Variants in LARGE1 observed in about 807,000 individuals in gnomAD.
LARGE1 encodes the protein xylosyl- and glucuronyltransferase LARGE1.
Under a neutral mutation model 87.6 loss-of-function variants are expected in LARGE1, and 43 were observed. That is an observed-to-expected ratio of 0.49 (90% CI 0.38 to 0.63). The LOEUF is 0.63. Among genes scored for constraint, LARGE1 ranks in the 30% least tolerant of loss-of-function variants. The pLI, the probability that LARGE1 is intolerant of heterozygous loss-of-function variation, is 0.00. For synonymous variants in LARGE1, 434 were observed against 394.6 expected, an observed-to-expected ratio of 1.10 and a Z score of -1.18; for missense variants, 802 against 1,000.2, an observed-to-expected ratio of 0.80 and a Z score of 2.67.
In LARGE1 at chr22:33,184,088, C is replaced by CTATATATATATATATATATATATA. The variant is rs144013990; in HGVS notation, c.1731-17257_1731-17256insTATATATATATATATATATATATA. 4.0e-3 allele frequency among the ~76,000 whole-genome samples: 425 copies of CTATATATATATATATATATATATA among 105,206 alleles called. 28 individuals carry two copies. Among genetic ancestry groups the CTATATATATATATATATATATATA allele is most frequent in the African/African-American group, 7.1e-3 (203 of 28,762 alleles). 69.0% of individuals were successfully genotyped at this position (105,206 alleles called of 152,430 possible). ...TAATTTGACTGTGGTAATCAGTACA[C>CTATATATATATATATATATATATA]TATATATATATATATCATATCTTTA... On this transcript the variant is annotated intron_variant, in intron 11 of 11. Coordinates refer to the LARGE1 transcript ENST00000608642.
intron 5 of LARGE1, among the ~76,000 whole-genome samples, chr22:33,592,458 T>C (rs1297723345): frequency 6.6e-6 from 1 of 152,148 alleles, no homozygotes; most frequent in East Asian, 1.9e-4. Context: ...TACCCTTTTT[T>C]CCAGGATAAT....
chr22:33,613,127 C>T (rs1171555911), intron 4 of LARGE1, among the ~76,000 whole-genome samples: 16 of 152,296 alleles, frequency 1.1e-4, no homozygotes, highest in Non-Finnish European at 1.9e-4. Context: ...CAACCAAGAC[C>T]TTGGCAGTTT....
chr22:33,774,036 T>C (rs889511583), intron 1 of LARGE1, among the ~76,000 whole-genome samples: 3 of 142,686 alleles, frequency 2.1e-5, no homozygotes, highest in East Asian at 2.1e-4. Flanking sequence ...GGAAGAACTA[T>C]TGAAAAAGGA....
intron 1 of LARGE1, among the ~76,000 whole-genome samples, chr22:33,761,781 C>T (rs1273515230): frequency 6.6e-6 from 1 of 152,152 alleles, no homozygotes; most frequent in East Asian, 1.9e-4. Context: ...CTCTCACACA[C>T]ACACACAAAC....
chr22:33,104,304 A>G, the LARGE1 span, among the ~76,000 whole-genome samples: 1 of 152,238 alleles, frequency 6.6e-6, no homozygotes, highest in Non-Finnish European at 1.5e-5. Context: ...GAGCAAGAGT[A>G]AAGACAGATA....
intron 1 of LARGE1, among the ~76,000 whole-genome samples, chr22:33,841,753 G>A (rs1008498447): frequency 6.6e-6 from 1 of 152,138 alleles, no homozygotes; most frequent in Non-Finnish European, 1.5e-5. Context: ...GTGTGAGTGT[G>A]GGTCTCCCTG....
chr22:33,599,949 A>G (rs1276716184), intron 5 of LARGE1, among the ~76,000 whole-genome samples: 1 of 152,048 alleles, frequency 6.6e-6, no homozygotes, highest in Non-Finnish European at 1.5e-5. Context: ...AAAGACACTC[A>G]CTCACCTGTC....
At chr22:33,656,086 C>T (rs748313339) in intron 2 of LARGE1, among the ~76,000 whole-genome samples, 1 of 144,682 alleles carries the variant, frequency 6.9e-6, no homozygotes, top group Admixed American at 7.0e-5. Context: ...TGTGTGTGTA[C>T]ACACACAAAT....
chr22:33,825,035 C>T (rs1426436328), intron 1 of LARGE1, among the ~76,000 whole-genome samples: 1 of 152,144 alleles, frequency 6.6e-6, no homozygotes. Flanking sequence ...ATTTGGTCAT[C>T]TCCAGGGACC....
chr22:33,332,452 T>C (rs1339989556), intron 10 of LARGE1, among the ~76,000 whole-genome samples: 1 of 152,184 alleles, frequency 6.6e-6, no homozygotes, highest in Non-Finnish European at 1.5e-5. Context: ...GTCTCAGGTA[T>C]GTCTTTATCA....
intron 6 of LARGE1, among the ~76,000 whole-genome samples, chr22:33,561,848 A>G (rs1300913409): frequency 6.6e-6 from 1 of 152,180 alleles, no homozygotes; most frequent in Non-Finnish European, 1.5e-5. Flanking sequence ...TTCTTCTGGT[A>G]GAGGCTGAGG....
rs1301772172 is a variant in LARGE1 at position 33,274,520 on chromosome 22, A to G, written c.2178T>C (p.Cys726=). The part of the protein sequence containing the change: ...KFRSNKQYRI[C]LKTLKEEFQQ... Reference sequence around the variant, plus strand: ...GAAACTCTTCCTTGAGGGTTTTGAGACAGATGCGGTATTGCTTGTTGGAAC... The same window carrying G: ...GAAACTCTTCCTTGAGGGTTTTGAGGCAGATGCGGTATTGCTTGTTGGAAC... The change falls in exon 15 of 15, where the codon TGT becomes TGC. Residue 726 remains cysteine, a synonymous_variant. Transcript: ENST00000397394. The G allele has an allele frequency of 1.9e-6, 3 of 1,613,900 alleles. No individual in the cohort carries two copies. In the African/African-American group the frequency reaches 4.0e-5, roughly 22 times the overall value.
At chr22:33,420,774 G>A (rs1030322736) in intron 7 of LARGE1, among the ~76,000 whole-genome samples, 2 of 152,220 alleles carry the variant, frequency 1.3e-5, no homozygotes, top group African/African-American at 2.4e-5. Context: ...GAATGAACAC[G>A]TGGATGGTCA....
rs149894602 is a variant in LARGE1 at position 33,772,160 on chromosome 22, C to T, written c.-82-10602G>A. 5.2e-3 allele frequency among the ~76,000 whole-genome samples: 799 copies of T among 152,206 alleles called. 6 individuals carry two copies. Among genetic ancestry groups the T allele is most frequent in the African/African-American group, 0.018 (759 of 41,530 alleles). On this transcript the variant is annotated intron_variant, in intron 1 of 14. Transcript: ENST00000397394. Reference sequence around the variant, plus strand: ...CATCCTGGCTAACACAGTGAAACCCCGTCTCTACTAAAAATACAAAAAATT... The same window carrying T: ...CATCCTGGCTAACACAGTGAAACCCTGTCTCTACTAAAAATACAAAAAATT...
At chr22:33,336,123 G>A (rs1938415340) in intron 10 of LARGE1, among the ~76,000 whole-genome samples, 1 of 152,188 alleles carries the variant, frequency 6.6e-6, no homozygotes, top group Non-Finnish European at 1.5e-5. Context: ...GACTATGCAT[G>A]TAACACAGGG....
At chr22:33,904,842 T>C (rs1227055402) in intron 1 of LARGE1, among the ~76,000 whole-genome samples, 1 of 152,162 alleles carries the variant, frequency 6.6e-6, no homozygotes, top group African/African-American at 2.4e-5. Flanking sequence ...ATTTAAAGGA[T>C]GTTTACATTA....
At chr22:33,513,154 T>G (rs1016048153) in intron 6 of LARGE1, among the ~76,000 whole-genome samples, 1 of 152,130 alleles carries the variant, frequency 6.6e-6, no homozygotes, top group African/African-American at 2.4e-5. Flanking sequence ...GTGAGGAATG[T>G]AAAAGAAAGG....
the LARGE1 span, chr22:33,105,304 C>G: frequency 6.6e-6 from 1 of 152,164 alleles, no homozygotes; most frequent in Non-Finnish European, 1.5e-5. Context: ...CTGGCCTCGA[C>G]TTGTTCTTTC....
chr22:33,682,866 A>G (rs1007827060), intron 2 of LARGE1, among the ~76,000 whole-genome samples: 1 of 152,226 alleles, frequency 6.6e-6, no homozygotes, highest in Non-Finnish European at 1.5e-5. Flanking sequence ...CTCAGGCCCA[A>G]GGCCATACCA....
Sources: gnomAD v4.1 joint callset for allele counts (sites outside exome capture counted in the v4.1 genomes callset) on GRCh38, gnomAD v4.1.1 for gene constraint, MANE v1.5 for transcripts, NCBI Gene and HGNC (gene_info 2026-07-23, HGNC 2026-07-21) for gene names.